The following SLC25A3 variants were observed in gnomAD, a reference collection of about 807,000 sequenced individuals.
SLC25A3 encodes the protein phosphate transport protein.
A neutral mutation model predicts 37.1 loss-of-function variants in SLC25A3; 14 were observed. The observed-to-expected ratio is 0.38, with a 90% CI of 0.25 to 0.59. The LOEUF (loss-of-function observed/expected upper bound fraction) is 0.59, where lower values mean the gene tolerates loss of function less well. Ranked by LOEUF, SLC25A3 falls within the 20% of genes least tolerant of loss-of-function variation. SLC25A3 has a pLI of 0.67. For missense variants in SLC25A3, 385 were observed against 458.1 expected, an observed-to-expected ratio of 0.84 and a Z score of 1.46; for synonymous variants, 161 against 168.7, an observed-to-expected ratio of 0.95 and a Z score of 0.36.
At position 98,594,118 on chromosome 12, in the gene SLC25A3, C is replaced by A; in HGVS notation, c.140C>A (p.Ala47Glu). The change falls in exon 2 of 8, where the codon GCA becomes GAA. Residue 47 changes from alanine (A) to glutamate (E), a missense_variant. Ala to Glu is a moderately radical substitution (Grantham distance 107). Around this residue, in one of 2 missense-constraint regions of SLC25A3, gnomAD observed 109 missense variants for 90.5 expected, o/e 1.20. Transcript: ENST00000552981. Reference sequence around the variant, plus strand: ...CAGCCCCGCCGCCCTCGCAACCTGGCAGCCGCCGCCGTGGAAGGTGAGATC... The same window carrying A: ...CAGCCCCGCCGCCCTCGCAACCTGGAAGCCGCCGCCGTGGAAGGTGAGATC... The part of the protein sequence containing the change: ...TGQPRRPRNL[A>E]AAAVEEYSCE... 3 of 1,610,834 alleles carry A rather than the reference C, an allele frequency of 1.9e-6. No individual in the cohort carries two copies. The highest frequency in any genetic ancestry group is 2.5e-6 in the Non-Finnish European group (3 of 1,178,818).
Position 98,593,736 on chromosome 12 carries a change from A to G in SLC25A3, c.-9A>G. The G allele has an allele frequency of 3.4e-6, 2 of 591,666 alleles. No individual in the cohort carries two copies. The highest frequency in any genetic ancestry group is 2.8e-5 in the East Asian group (1 of 35,088). 36.7% of individuals were successfully genotyped at this position (591,666 alleles called of 1,614,324 possible). A position where few individuals can be genotyped will look rare whatever the true frequency, so the allele number is the denominator to read the frequency against. On this transcript the variant is annotated 5_prime_UTR_variant, in exon 1 of 8. Transcript: ENST00000552981. ...GGAGTGGTTGTGTGATCGCCATCTT[A>G]GGGAGTGAGTGTGGCCGGGCCTTCT...
At chr12:98,598,745 T>G (rs2097595153) in intron 5 of SLC25A3, 42 bp downstream of exon 5, 1 of 1,541,812 alleles carries the variant, frequency 6.5e-7, no homozygotes, top group Admixed American at 1.8e-5. Context: ...AAGTACTTAT[T>G]TTAAGTGAAC....
rs768924156 is a variant in SLC25A3, at chr12:98,594,331, G to A, written c.157+196G>A. On this transcript the variant is annotated intron_variant, in intron 2 of 7. Coordinates refer to ENST00000552981, the MANE Select transcript of SLC25A3 (RefSeq NM_002635.4). ...TGTCAGATCCTTGGCCTTCCCTCAA[G>A]GGCGTGGAAGCGCTGAGGCCCTGTG... 73 of 704,932 alleles carry A rather than the reference G, an allele frequency of 1.0e-4. No individual in the cohort carries two copies. The African/African-American group carries it at 1.2e-3, about 11-fold the overall frequency. 43.7% of individuals were successfully genotyped at this position (704,932 alleles called of 1,614,324 possible). A position where few individuals can be genotyped will look rare whatever the true frequency, so the allele number is the denominator to read the frequency against.
Position 98,603,773 on chromosome 12 carries a change from A to G in SLC25A3, c.*2245A>G, listed in dbSNP as rs921960010. ...ACGGTTCAAAGCTATTTCTGAGAGA[A>G]AGCCACTTCATCCTCAAAACCCAAG... On this transcript the variant is annotated 3_prime_UTR_variant, in exon 8 of 8. Coordinates refer to ENST00000552981, the MANE Select transcript of SLC25A3 (RefSeq NM_002635.4). 6.6e-5 allele frequency: 10 copies of G among 152,308 alleles called. 1 individual carries two copies. Among genetic ancestry groups the G allele is most frequent in the East Asian group, 1.9e-4 (1 of 5,182 alleles). The allele number at this position is 152,308 out of a possible 1,614,324, so 9.4% of individuals were successfully genotyped here.
intron 4 of SLC25A3, 153 bp from the exon 5 acceptor site, chr12:98,598,369 T>C: frequency 8.6e-7 from 1 of 1,166,332 alleles, no homozygotes; most frequent in South Asian, 1.4e-5. Flanking sequence ...TTACGTGTTT[T>C]GTTAATGAGG....
rs79081160 is a variant in SLC25A3 at position 98,601,508 on chromosome 12, A to C, written c.1066A>C (p.Lys356Gln). The C allele has an allele frequency of 1.1e-4, 177 of 1,613,284 alleles. No homozygotes were observed. Among genetic ancestry groups the C allele is most frequent in the African/African-American group, 8.5e-4 (64 of 75,030 alleles). Residue 356 changes from lysine to glutamine, a missense_variant, in exon 8 of 8, where the codon AAG becomes CAG. Lys to Gln is a moderately conservative substitution (Grantham distance 53). Around this residue, in one of 2 missense-constraint regions of SLC25A3, gnomAD observed 276 missense variants for 367.6 expected, o/e 0.75. Transcript: ENST00000552981. ...PPEMPESLKK[K>Q]LGLTQ ...CGAGATGCCAGAGTCTCTGAAGAAG[A>C]AGCTTGGGTTAACTCAGTAGTTAGA...
At position 98,601,625 on chromosome 12, in the gene SLC25A3, C is replaced by A; in HGVS notation, c.*97C>A. The A allele has an allele frequency of 1.2e-6, 1 of 812,638 alleles. No homozygotes were observed. Among genetic ancestry groups the A allele is most frequent in the Non-Finnish European group, 2.1e-6 (1 of 471,154 alleles). The allele number at this position is 812,638 out of a possible 1,614,324, so 50.3% of individuals were successfully genotyped here. A position where few individuals can be genotyped will look rare whatever the true frequency, so the allele number is the denominator to read the frequency against. On this transcript the variant is annotated 3_prime_UTR_variant, in exon 8 of 8. Coordinates refer to ENST00000552981, the MANE Select transcript of SLC25A3 (RefSeq NM_002635.4). ...TATATTTGACAGTGTAGGAAATTGT[C>A]TATTCCTGATATAATTACTGTAGTA...
intron 6 of SLC25A3, 53 bp from the exon 7 acceptor site, chr12:98,601,118 T>C (rs1191130352): frequency 1.3e-6 from 2 of 1,587,542 alleles, no homozygotes; most frequent in East Asian, 4.5e-5. Context: ...TTATTGGCTC[T>C]GTGAAGTTTT....
In SLC25A3 at chr12:98,599,670, C is replaced by A. The variant is rs766387639; in HGVS notation, c.642-285C>A. 2.7e-5 allele frequency: 16 copies of A among 597,144 alleles called. 1 individual carries two copies. The highest frequency in any genetic ancestry group is 2.1e-4 in the South Asian group (15 of 72,290). 37.0% of individuals were successfully genotyped at this position (597,144 alleles called of 1,614,324 possible). A position where few individuals can be genotyped will look rare whatever the true frequency, so the allele number is the denominator to read the frequency against. ...CTTAGATCCACCTTTGTGGATGAAT[C>A]TTGAACTGAGTTCCACTTGTAAACT... On this transcript the variant is annotated intron_variant, in intron 5 of 7. Transcript: ENST00000552981.
chr12:98,598,445 G>T, intron 4 of SLC25A3, 77 bp from the exon 5 acceptor site: 2 of 1,608,376 alleles, frequency 1.2e-6, no homozygotes, highest in Non-Finnish European at 1.7e-6. Flanking sequence ...AAGCTTAGTT[G>T]TTTTCTAGAA....
chr12:98,605,359 T>C lies in SLC25A3; in HGVS notation c.*3831T>C, dbSNP rs558064885. On this transcript the variant is annotated 3_prime_UTR_variant, in exon 8 of 8. Transcript: ENST00000552981. ...GAGAGGTTGAGGCTACAGTGAGCCA[T>C]GTTTACGCCATTGCAGTCCAGCCTG... The C allele has an allele frequency of 5.3e-5, 8 of 151,256 alleles. No individual in the cohort carries two copies. The highest frequency in any genetic ancestry group is 1.9e-4 in the African/African-American group (8 of 41,188). The allele number at this position is 151,256 out of a possible 1,614,324, so 9.4% of individuals were successfully genotyped here. A position where few individuals can be genotyped will look rare whatever the true frequency, so the allele number is the denominator to read the frequency against.
At chr12:98,596,824 C>CA (rs1306552310) in intron 3 of SLC25A3, among the ~76,000 whole-genome samples, 1 of 152,062 alleles carries the variant, frequency 6.6e-6, no homozygotes, top group East Asian at 1.9e-4. Context: ...GATCAGAACT[C>CA]AATCTAGCCA....
rs137911305 is a variant in SLC25A3 at position 98,598,703 on chromosome 12, C to T, written c.641C>T (p.Ala214Val). The T allele has an allele frequency of 1.4e-5, 22 of 1,611,642 alleles. No individual in the cohort carries two copies. The Admixed American group carries it at 1.8e-4, about 13-fold the overall frequency. The change falls in exon 5 of 8, where the codon GCA (alanine) becomes GTA (valine). Residue 214 changes from alanine (A) to valine (V), a missense_variant and splice_region_variant. Ala to Val is a moderately conservative substitution (Grantham distance 64). Around this residue, in one of 2 missense-constraint regions of SLC25A3, gnomAD observed 276 missense variants for 367.6 expected, o/e 0.75. Transcript: ENST00000552981. Reference protein sequence around the residue: ...PKMYKEEGLKAFYKGVAPLWM... With the variant: ...PKMYKEEGLKVFYKGVAPLWM... Reference sequence around the variant, plus strand: ...ATGTATAAGGAAGAAGGCCTAAAAGCGTAAGTAAACACTTAAAAATTTATA... The same window carrying T: ...ATGTATAAGGAAGAAGGCCTAAAAGTGTAAGTAAACACTTAAAAATTTATA...
At chr12:98,600,232 T>A in intron 6 of SLC25A3, 105 bp downstream of exon 6, 1 of 868,810 alleles carries the variant, frequency 1.2e-6, no homozygotes, top group Non-Finnish European at 1.9e-6. Context: ...TATAAAGCAG[T>A]GTTTTTGTTT....
intron 6 of SLC25A3, 98 bp from the exon 7 acceptor site, chr12:98,601,073 A>C (rs2097597468): frequency 7.2e-7 from 1 of 1,385,680 alleles, no homozygotes; most frequent in Non-Finnish European, 9.9e-7. Context: ...TTATTTTAGA[A>C]CTAGAAAAAT....
rs1239804465 is a variant in SLC25A3 at position 98,593,691 on chromosome 12, T to G, written c.-54T>G. On this transcript the variant is annotated 5_prime_UTR_variant, in exon 1 of 8. Transcript: ENST00000552981. ...GGACCCGGAGGACGTCCGGCCTCTG[T>G]GAGCCGCAACCTTTCCAAGGGAGTG... is the stretch of plus-strand genomic sequence containing the variant. 2.5e-5 allele frequency: 13 copies of G among 519,916 alleles called. No homozygotes were observed. Among genetic ancestry groups the G allele is most frequent in the South Asian group, 1.7e-4 (8 of 48,176 alleles). The allele number at this position is 519,916 out of a possible 1,614,324, so 32.2% of individuals were successfully genotyped here.
At position 98,603,392 on chromosome 12, in the gene SLC25A3, AT is replaced by A. The variant is rs1204199501; in HGVS notation, c.*1865del. 2 of 152,178 alleles carry A rather than the reference AT, an allele frequency of 1.3e-5. No homozygotes were observed. The highest frequency in any genetic ancestry group is 4.8e-5 in the African/African-American group (2 of 41,450). 9.4% of individuals were successfully genotyped at this position (152,178 alleles called of 1,614,324 possible). A position where few individuals can be genotyped will look rare whatever the true frequency, so the allele number is the denominator to read the frequency against. ...TGGCAGAGTTGGCTTTTTAGGACTT[AT>A]CCTTCAATGTCACATAACATCACTT... On this transcript the variant is annotated 3_prime_UTR_variant, in exon 8 of 8. Transcript: ENST00000552981.
chr12:98,598,352 C>T lies in SLC25A3; in HGVS notation c.460-170C>T, dbSNP rs1371629104. On this transcript the variant is annotated intron_variant, in intron 4 of 7. Transcript: ENST00000552981. ...ATATTTTTTGAATATTCATGTTGTT[C>T]ACATAGTTACGTGTTTTGTTAATGA... 2.0e-5 allele frequency: 20 copies of T among 1,001,246 alleles called. No homozygotes were observed. In the South Asian group the frequency reaches 2.4e-4, roughly 12 times the overall value. The allele number at this position is 1,001,246 out of a possible 1,614,324, so 62.0% of individuals were successfully genotyped here. A position where few individuals can be genotyped will look rare whatever the true frequency, so the allele number is the denominator to read the frequency against.
In SLC25A3 at chr12:98,595,835, A is replaced by C; in HGVS notation, c.266A>C (p.Lys89Thr). 6.2e-7 allele frequency: 1 copy of C among 1,614,022 alleles called. No individual in the cohort carries two copies. Among genetic ancestry groups the C allele is most frequent in the Non-Finnish European group, 8.5e-7 (1 of 1,179,880 alleles). Residue 89 changes from lysine (K) to threonine (T), a missense_variant, in exon 3 of 8, where the codon AAA becomes ACA. Lys to Thr is a moderately conservative substitution (Grantham distance 78). Coordinates refer to ENST00000552981, the MANE Select transcript of SLC25A3 (RefSeq NM_002635.4). The stretch of plus-strand genomic sequence containing the variant: ...GCTGTGGTTCCCCTGGATTTAGTGA[A>C]ATGCCGTATGCAGGTTTGTATTGAG... ...HTAVVPLDLV[K>T]CRMQVDPQKY...
Sources: allele counts gnomAD v4.1 joint callset (sites outside exome capture counted in the v4.1 genomes callset), GRCh38; gene constraint gnomAD v4.1.1; regional missense constraint gnomAD v4.1.1; transcripts MANE v1.5; gene names NCBI Gene and HGNC (gene_info 2026-07-23, HGNC 2026-07-21).